The following TMEM272 variants were observed in gnomAD, a reference collection of about 807,000 sequenced individuals.
The protein encoded by TMEM272 is long intergenic non-protein coding RNA 282.
TMEM272 carries 8 observed loss-of-function variants against 3.7 expected under a neutral mutation model. The ratio of observed to expected loss-of-function variants is 2.17; its 90% CI spans 1.27 to 3.91. The LOEUF (loss-of-function observed/expected upper bound fraction) is 3.91. TMEM272 is among the 30% of genes most tolerant of loss of function. The probability of loss-of-function intolerance (pLI) is 0.00; values close to 1 mark genes in which losing one functional copy is unlikely to be tolerated. For missense variants in TMEM272, 166 were observed against 91.5 expected (o/e 1.81, Z -3.32); for synonymous variants, 63 against 39.8 (o/e 1.58, Z -2.20).
the TMEM272 span, among the ~76,000 whole-genome samples, chr13:51,863,281 G>A: frequency 6.6e-6 from 1 of 152,148 alleles, no homozygotes; most frequent in African/African-American, 2.4e-5. Flanking sequence ...GGCCTTCCTA[G>A]GGCGTTCAGC....
chr13:51,904,588 T>A, the TMEM272 span, among the ~76,000 whole-genome samples: 1 of 152,148 alleles, frequency 6.6e-6, no homozygotes, highest in Non-Finnish European at 1.5e-5. Flanking sequence ...ATAAGCATGG[T>A]CCGTTTTCAA....
At chr13:51,868,344 A>G in the TMEM272 span, among the ~76,000 whole-genome samples, 1 of 152,236 alleles carries the variant, frequency 6.6e-6, no homozygotes, top group Admixed American at 6.5e-5. Flanking sequence ...AGAGCACTAC[A>G]GCAGTGCATG....
At chr13:51,913,527 G>A in the TMEM272 span, among the ~76,000 whole-genome samples, 1 of 152,164 alleles carries the variant, frequency 6.6e-6, no homozygotes, top group Non-Finnish European at 1.5e-5. Flanking sequence ...CTCTTTTTCT[G>A]GATTTGCAGC....
chr13:51,878,003 G>A, the TMEM272 span, among the ~76,000 whole-genome samples: 8 of 152,316 alleles, frequency 5.3e-5, no homozygotes, highest in Admixed American at 2.0e-4. Context: ...GCGGTTCCGC[G>A]GGGCTGAAGA....
the TMEM272 span, among the ~76,000 whole-genome samples, chr13:51,886,346 A>G: frequency 6.6e-6 from 1 of 152,256 alleles, no homozygotes; most frequent in Non-Finnish European, 1.5e-5. Context: ...TTGAACAGTT[A>G]GTACCTGCCA....
At position 51,826,621 on chromosome 13, in the gene TMEM272, G is replaced by A. The variant is rs780031235; in HGVS notation, c.63C>T (p.Cys21=). The change falls in exon 3 of 5, where the codon TGC becomes TGT. Residue 21 remains cysteine (C), a synonymous_variant. Coordinates refer to ENST00000629372, the MANE Select transcript of TMEM272 (RefSeq NM_001351003.2). ...QCISKIASNA[C]FVVVLCAFLA... ...GGAAAGCACAGAGCACAACAACGAA[G>A]CAGGCTGCAAGGAGAAGAAGGGGCA... is the stretch of plus-strand genomic sequence containing the variant. 2.8e-6 allele frequency: 2 copies of A among 702,608 alleles called. No homozygotes were observed. The highest frequency in any genetic ancestry group is 2.3e-4 in the Middle Eastern group (1 of 4,370). 43.5% of individuals were successfully genotyped at this position (702,608 alleles called of 1,614,324 possible).
the TMEM272 span, among the ~76,000 whole-genome samples, chr13:51,900,874 C>T: frequency 6.6e-6 from 1 of 152,196 alleles, no homozygotes; most frequent in South Asian, 2.1e-4. Context: ...CAAAAAGCCA[C>T]ACGTTTTATG....
chr13:51,889,072 T>C, the TMEM272 span, among the ~76,000 whole-genome samples: 1 of 152,240 alleles, frequency 6.6e-6, no homozygotes, highest in African/African-American at 2.4e-5. Context: ...TTTGCCACAA[T>C]AACAACCCTG....
At chr13:51,861,237 T>A in the TMEM272 span, among the ~76,000 whole-genome samples, 2 of 152,072 alleles carry the variant, frequency 1.3e-5, no homozygotes, top group African/African-American at 4.8e-5. Context: ...AATCAAAGGG[T>A]ACAAAGTTGC....
the TMEM272 span, among the ~76,000 whole-genome samples, chr13:51,863,232 G>A: frequency 6.6e-6 from 1 of 152,244 alleles, no homozygotes. Context: ...GGCTGGGTAG[G>A]AAGGAGAGGG....
chr13:51,826,824 C>G (rs371625373), intron 2 of TMEM272, among the ~76,000 whole-genome samples, 199 bp from the exon 3 acceptor site: 33 of 152,346 alleles, frequency 2.2e-4, no homozygotes, highest in African/African-American at 4.8e-4. Flanking sequence ...TCTCAGAGAG[C>G]TGAACATCTC....
At chr13:51,905,848 T>A in the TMEM272 span, among the ~76,000 whole-genome samples, 1 of 152,244 alleles carries the variant, frequency 6.6e-6, no homozygotes, top group Admixed American at 6.5e-5. Context: ...GCAACTCAGC[T>A]GTGATGCCGC....
At chr13:51,877,264 G>C in the TMEM272 span, among the ~76,000 whole-genome samples, 2 of 152,170 alleles carry the variant, frequency 1.3e-5, no homozygotes, top group East Asian at 1.9e-4. Flanking sequence ...CAAGCACACA[G>C]AAGTCCCTCA....
At chr13:51,855,481 C>A in the TMEM272 span, among the ~76,000 whole-genome samples, 1 of 152,070 alleles carries the variant, frequency 6.6e-6, no homozygotes, top group Non-Finnish European at 1.5e-5. Context: ...AGAAACATAT[C>A]CACAGATGAA....
chr13:51,830,407 C>A (rs767307276), intron 2 of TMEM272, among the ~76,000 whole-genome samples: 2 of 152,244 alleles, frequency 1.3e-5, no homozygotes, highest in African/African-American at 2.4e-5. Context: ...TGAGTCACAG[C>A]CCACTCCGCT....
chr13:51,923,474 G>A, the TMEM272 span, among the ~76,000 whole-genome samples: 2 of 145,560 alleles, frequency 1.4e-5, no homozygotes, highest in African/African-American at 2.4e-5. Flanking sequence ...CACTGAGATC[G>A]GTTGAAAGCC....
At chr13:51,905,874 C>T in the TMEM272 span, among the ~76,000 whole-genome samples, 25,857 of 152,152 alleles carry the variant, frequency 0.17, 2,381 homozygotes, top group Middle Eastern at 0.26. Context: ...CTTCTTCAAT[C>T]GGATTGAGAA....
At chr13:51,883,118 G>T in the TMEM272 span, among the ~76,000 whole-genome samples, 939 of 152,368 alleles carry the variant, frequency 6.2e-3, 7 homozygotes, top group African/African-American at 0.022. Flanking sequence ...TACAGCTCTT[G>T]CCCAGGGAGT....
At chr13:51,869,542 T>C in the TMEM272 span, among the ~76,000 whole-genome samples, 1 of 149,858 alleles carries the variant, frequency 6.7e-6, no homozygotes, top group Non-Finnish European at 1.5e-5. Context: ...CAGGCTGGAG[T>C]GCAGTGGCAC....
Sources: gnomAD v4.1 joint callset for allele counts (sites outside exome capture counted in the v4.1 genomes callset) on GRCh38, gnomAD v4.1.1 for gene constraint, MANE v1.5 for transcripts, NCBI Gene and HGNC (gene_info 2026-07-23, HGNC 2026-07-21) for gene names.